Variants in ASAP1 observed in about 807,000 individuals in gnomAD.
ASAP1 encodes arf-GAP with SH3 domain, ANK repeat and PH domain-containing protein 1.
A neutral mutation model predicts 145.2 loss-of-function variants in ASAP1; 43 were observed. The observed-to-expected ratio is 0.30, with a 90% CI of 0.23 to 0.38. ASAP1 has a LOEUF of 0.38. ASAP1 is among the 10% of genes least tolerant of loss of function. ASAP1 has a pLI of 1.00. For synonymous variants in ASAP1, 546 were observed against 515.5 expected (o/e 1.06, Z -0.80); for missense variants, 1,018 against 1,355.3 (o/e 0.75, Z 3.91).
At chr8:130,437,147 A>G (rs887079772) in intron 1 of ASAP1, among the ~76,000 whole-genome samples, 6 of 152,298 alleles carry the variant, frequency 3.9e-5, no homozygotes, top group African/African-American at 1.4e-4. Flanking sequence ...CTCGATGAAA[A>G]AAGTTCAACA....
chr8:130,291,179 C>A (rs1243905114), intron 3 of ASAP1, among the ~76,000 whole-genome samples: 2 of 152,172 alleles, frequency 1.3e-5, no homozygotes, highest in African/African-American at 4.8e-5. Context: ...GGAAACATTA[C>A]AGAACACTCT....
chr8:130,054,164 T>C lies in ASAP1; in HGVS notation c.*567A>G, dbSNP rs2097398665. 6.5e-6 allele frequency: 1 copy of C among 153,508 alleles called. No individual in the cohort carries two copies. The highest frequency in any genetic ancestry group is 2.4e-5 in the African/African-American group (1 of 41,458). The allele number at this position is 153,508 out of a possible 1,614,324, so 9.5% of individuals were successfully genotyped here. The stretch of plus-strand genomic sequence containing the variant: ...TAAAGAGTTTTGGGTCAGTGAATAT[T>C]TTGCTGAAGGAATAACACTTACATT... On this transcript the variant is annotated 3_prime_UTR_variant, in exon 30 of 30. Transcript: ENST00000518721.
At chr8:130,093,854 T>C (rs546699751) in intron 24 of ASAP1, among the ~76,000 whole-genome samples, 4 of 152,236 alleles carry the variant, frequency 2.6e-5, no homozygotes, top group South Asian at 2.1e-4. Context: ...CTATTTCCCA[T>C]TGTCAATTAC....
At chr8:130,217,294 GT>G (rs1271732604) in intron 4 of ASAP1, among the ~76,000 whole-genome samples, 1 of 151,898 alleles carries the variant, frequency 6.6e-6, no homozygotes, top group African/African-American at 2.4e-5. Context: ...ATTTATCAAA[GT>G]CATATCTTTT....
At chr8:130,384,393 T>G (rs1827915129) in intron 2 of ASAP1, among the ~76,000 whole-genome samples, 1 of 152,094 alleles carries the variant, frequency 6.6e-6, no homozygotes, top group Non-Finnish European at 1.5e-5. Flanking sequence ...TGTGCCACCC[T>G]CCCCCTCTTC....
chr8:130,312,277 TAAA>T (rs10602064), intron 3 of ASAP1, among the ~76,000 whole-genome samples: 1,979 of 136,374 alleles, frequency 0.015, 50 homozygotes, highest in African/African-American at 0.05. Context: ...ACCCTGTCTT[TAAA>T]AAAAAAAAAA....
At chr8:130,331,256 G>A (rs1348969302) in intron 3 of ASAP1, among the ~76,000 whole-genome samples, 1 of 152,274 alleles carries the variant, frequency 6.6e-6, no homozygotes, top group African/African-American at 2.4e-5. Context: ...TCTCTGGAAG[G>A]TTAGTTGACA....
chr8:130,258,538 C>T (rs375162091), intron 3 of ASAP1, among the ~76,000 whole-genome samples: 84 of 152,262 alleles, frequency 5.5e-4, no homozygotes, highest in African/African-American at 1.6e-3. Context: ...ACAACAGAGA[C>T]GAGAGCCCAG....
At chr8:130,169,309 A>G (rs1420739813) in intron 9 of ASAP1, among the ~76,000 whole-genome samples, 1 of 152,266 alleles carries the variant, frequency 6.6e-6, no homozygotes, top group African/African-American at 2.4e-5. Flanking sequence ...TTGATAGAAG[A>G]TATCACAAGG....
chr8:130,210,152 C>A (rs1334055775), intron 5 of ASAP1, among the ~76,000 whole-genome samples: 3 of 152,096 alleles, frequency 2.0e-5, no homozygotes, highest in Admixed American at 2.0e-4. Context: ...GGCCTTATTT[C>A]CCATCTACCT....
intron 24 of ASAP1, among the ~76,000 whole-genome samples, chr8:130,093,278 A>C (rs2097509520): frequency 6.6e-6 from 1 of 152,194 alleles, no homozygotes; most frequent in South Asian, 2.1e-4. Flanking sequence ...GGTGTGTGCC[A>C]GGTATTCCAT....
intron 3 of ASAP1, among the ~76,000 whole-genome samples, chr8:130,343,288 T>G (rs931973543): frequency 6.6e-6 from 1 of 152,190 alleles, no homozygotes; most frequent in Admixed American, 6.5e-5. Context: ...TACGGGCTGA[T>G]AAGGCAGAGC....
At chr8:130,394,364 G>A (rs1828426023) in intron 2 of ASAP1, among the ~76,000 whole-genome samples, 1 of 152,136 alleles carries the variant, frequency 6.6e-6, no homozygotes, top group African/African-American at 2.4e-5. Flanking sequence ...GATGAAATAA[G>A]CCCCAGACTC....
intron 2 of ASAP1, among the ~76,000 whole-genome samples, chr8:130,369,224 C>T (rs1214982900): frequency 6.6e-6 from 1 of 152,134 alleles, no homozygotes; most frequent in Non-Finnish European, 1.5e-5. Flanking sequence ...TTTACATATA[C>T]ATAATGAGAC....
At chr8:130,411,833 T>C (rs142807865) in intron 1 of ASAP1, among the ~76,000 whole-genome samples, 60 of 152,220 alleles carry the variant, frequency 3.9e-4, no homozygotes, top group African/African-American at 1.4e-3. Flanking sequence ...CCTGTTGGTG[T>C]CCACTGACCA....
intron 3 of ASAP1, among the ~76,000 whole-genome samples, chr8:130,283,374 A>C (rs1821371795): frequency 6.6e-6 from 1 of 152,086 alleles, no homozygotes; most frequent in South Asian, 2.1e-4. Flanking sequence ...AGGTCAAGAG[A>C]TCGAGACCAT....
intron 3 of ASAP1, among the ~76,000 whole-genome samples, chr8:130,260,923 C>T (rs1000459036): frequency 1.3e-5 from 2 of 152,168 alleles, no homozygotes; most frequent in African/African-American, 4.8e-5. Context: ...CTTTTCCCCC[C>T]CTCAAGATAA....
chr8:130,353,826 G>A (rs138541549), intron 3 of ASAP1, among the ~76,000 whole-genome samples: 2,494 of 152,198 alleles, frequency 0.016, 68 homozygotes, highest in African/African-American at 0.055. Flanking sequence ...AGCTGAGATC[G>A]CACCACTGCA....
chr8:130,250,938 T>A (rs1260027988), intron 3 of ASAP1, among the ~76,000 whole-genome samples: 1 of 152,202 alleles, frequency 6.6e-6, no homozygotes. Flanking sequence ...AGATACTGAA[T>A]GCACGTCAGG....
Sources: allele counts gnomAD v4.1 joint callset (sites outside exome capture counted in the v4.1 genomes callset), GRCh38; gene constraint gnomAD v4.1.1; transcripts MANE v1.5; gene names NCBI Gene and HGNC (gene_info 2026-07-23, HGNC 2026-07-21).